The following PGCKA1 variants were observed in gnomAD, a reference collection of about 807,000 sequenced individuals.
PGCKA1 encodes PDCD10 and GCKIII kinases associated 1.
the PGCKA1 span, among the ~76,000 whole-genome samples, chr4:37,467,285 A>G: frequency 6.6e-6 from 1 of 152,244 alleles, no homozygotes. Flanking sequence ...CTCTTAACAG[A>G]AAATAGCTGG....
At chr4:37,544,122 A>G in the PGCKA1 span, among the ~76,000 whole-genome samples, 19 of 152,212 alleles carry the variant, frequency 1.2e-4, no homozygotes, top group Non-Finnish European at 2.6e-4. Context: ...AAATGTCTTT[A>G]TCCTACCCTC....
the PGCKA1 span, among the ~76,000 whole-genome samples, chr4:37,510,063 A>G: frequency 2.0e-5 from 3 of 152,002 alleles, no homozygotes; most frequent in Admixed American, 1.3e-4. Flanking sequence ...GCTTCTTTTT[A>G]ATTATTTTAA....
chr4:37,537,594 G>T, the PGCKA1 span, among the ~76,000 whole-genome samples: 1 of 152,204 alleles, frequency 6.6e-6, no homozygotes, highest in Non-Finnish European at 1.5e-5. Context: ...CTTCAGTCCT[G>T]TCAGTGCGGC....
the PGCKA1 span, among the ~76,000 whole-genome samples, chr4:37,511,354 A>T: frequency 6.6e-6 from 1 of 152,142 alleles, no homozygotes; most frequent in South Asian, 2.1e-4. Flanking sequence ...CAAGGCCTGC[A>T]GCATACCACC....
At chr4:37,536,320 GTT>G in the PGCKA1 span, among the ~76,000 whole-genome samples, 2 of 152,178 alleles carry the variant, frequency 1.3e-5, no homozygotes, top group African/African-American at 2.4e-5. Context: ...AATTCTATTA[GTT>G]ACCTATTACT....
chr4:37,531,849 G>A, the PGCKA1 span, among the ~76,000 whole-genome samples: 26 of 139,682 alleles, frequency 1.9e-4, no homozygotes, highest in Admixed American at 6.1e-4. Flanking sequence ...CCAAGATAGC[G>A]CCACTGCAGT....
chr4:37,455,926 G>C, the PGCKA1 span, among the ~76,000 whole-genome samples: 4 of 152,200 alleles, frequency 2.6e-5, no homozygotes, highest in East Asian at 5.8e-4. Context: ...CAGTAGCTAG[G>C]TTTCCTCTCC....
At chr4:37,478,143 C>T in the PGCKA1 span, among the ~76,000 whole-genome samples, 5 of 87,066 alleles carry the variant, frequency 5.7e-5, no homozygotes, top group Admixed American at 2.2e-4. Flanking sequence ...TTTAAAAACA[C>T]CCCCCCCCAC....
At chr4:37,484,016 C>G in the PGCKA1 span, among the ~76,000 whole-genome samples, 120 of 152,278 alleles carry the variant, frequency 7.9e-4, no homozygotes, top group African/African-American at 2.9e-3. Context: ...CTGAAACACT[C>G]TTCCCACATA....
chr4:37,552,420 T>G, the PGCKA1 span, among the ~76,000 whole-genome samples: 17 of 152,324 alleles, frequency 1.1e-4, no homozygotes, highest in Non-Finnish European at 2.9e-5. Flanking sequence ...CCCTTCCTTC[T>G]ACAACTCAGT....
At chr4:37,483,576 G>A in the PGCKA1 span, among the ~76,000 whole-genome samples, 3 of 152,222 alleles carry the variant, frequency 2.0e-5, no homozygotes, top group Non-Finnish European at 2.9e-5. Flanking sequence ...ACTTAGATTC[G>A]CTATTAGTAA....
the PGCKA1 span, among the ~76,000 whole-genome samples, chr4:37,530,625 G>A: frequency 7.2e-6 from 1 of 138,642 alleles, no homozygotes; most frequent in Non-Finnish European, 1.6e-5. Flanking sequence ...AATACTCAAA[G>A]AAGAATGATT....
chr4:37,561,064 C>G, the PGCKA1 span, among the ~76,000 whole-genome samples: 1 of 152,186 alleles, frequency 6.6e-6, no homozygotes, highest in Non-Finnish European at 1.5e-5. Flanking sequence ...CACTGCTCTA[C>G]AACCTTCCTG....
chr4:37,512,497 G>A, the PGCKA1 span, among the ~76,000 whole-genome samples: 5 of 139,324 alleles, frequency 3.6e-5, no homozygotes, highest in Non-Finnish European at 6.0e-5. Context: ...CTCTGGTGTC[G>A]CCAGCCTGGA....
chr4:37,463,827 A>G, the PGCKA1 span, among the ~76,000 whole-genome samples: 2 of 150,912 alleles, frequency 1.3e-5, no homozygotes, highest in African/African-American at 2.4e-5. Flanking sequence ...AAAAAAAACT[A>G]AAATAGCTTT....
the PGCKA1 span, among the ~76,000 whole-genome samples, chr4:37,571,093 A>G: frequency 6.6e-6 from 1 of 152,164 alleles, no homozygotes; most frequent in Non-Finnish European, 1.5e-5. Flanking sequence ...TACAAGCTAG[A>G]TGCTGGTTGG....
the PGCKA1 span, among the ~76,000 whole-genome samples, chr4:37,509,165 C>T: frequency 1.3e-5 from 2 of 150,466 alleles, no homozygotes; most frequent in African/African-American, 4.9e-5. Flanking sequence ...CCATCGTCAT[C>T]ATGGCCCATT....
At chr4:37,548,770 A>T in the PGCKA1 span, among the ~76,000 whole-genome samples, 1 of 150,460 alleles carries the variant, frequency 6.6e-6, no homozygotes, top group African/African-American at 2.5e-5. Context: ...TAAAAGAAAC[A>T]TTCATTTTAC....
the PGCKA1 span, among the ~76,000 whole-genome samples, chr4:37,466,618 TA>T: frequency 6.6e-6 from 1 of 152,142 alleles, no homozygotes; most frequent in South Asian, 2.1e-4. Context: ...TTGAATAAAG[TA>T]GAGGCAATTA....
Sources: allele counts gnomAD v4.1 joint callset (sites outside exome capture counted in the v4.1 genomes callset), GRCh38; gene constraint gnomAD v4.1.1; transcripts MANE v1.5; gene names NCBI Gene and HGNC (gene_info 2026-07-23, HGNC 2026-07-21).